The following SLC35E2B variants were observed in gnomAD, a reference collection of about 807,000 sequenced individuals.
The protein encoded by SLC35E2B is solute carrier family 35 member E2B.
A neutral mutation model predicts 32.4 loss-of-function variants in SLC35E2B; 18 were observed. The ratio of observed to expected loss-of-function variants is 0.56; its 90% CI spans 0.38 to 0.82. The LOEUF (loss-of-function observed/expected upper bound fraction) is 0.82. SLC35E2B is among the 40% of genes least tolerant of loss of function. The pLI is 0.00. For synonymous variants in SLC35E2B, 132 were observed against 209.1 expected, an observed-to-expected ratio of 0.63 and a Z score of 3.18; for missense variants, 263 against 469.5, an observed-to-expected ratio of 0.56 and a Z score of 4.06.
intron 2 of SLC35E2B, among the ~76,000 whole-genome samples, chr1:1,680,486 C>T (rs1349500679): frequency 6.6e-6 from 1 of 152,130 alleles, no homozygotes; most frequent in African/African-American, 2.4e-5. Flanking sequence ...GGAGCATCCT[C>T]GTCTGTGTCT....
Position 1,665,851 on chromosome 1 carries a change from T to C in SLC35E2B, c.1149A>G (p.Ala383=), listed in dbSNP as rs756914162. 1.9e-6 allele frequency: 3 copies of C among 1,550,780 alleles called. No homozygotes were observed. In the South Asian group the frequency reaches 3.6e-5, roughly 18 times the overall value. The part of the protein sequence containing the change: ...HQQEALQSLA[A]ATGRAPDDTV... The stretch of plus-strand genomic sequence containing the variant: ...TGTCGTCTGGGGCCCGGCCAGTGGC[T>C]GCAGCCAGGCTCTGCAGCGCCTCCT... Residue 383 remains alanine, a synonymous_variant, in exon 10 of 10, where the codon GCA becomes GCG. Transcript: ENST00000617444.
chr1:1,669,632 G>C, intron 8 of SLC35E2B, 32 bp downstream of exon 8: 1 of 1,501,556 alleles, frequency 6.7e-7, no homozygotes, highest in Non-Finnish European at 9.0e-7. Context: ...AGCCCGGCAA[G>C]TAAGGACGGG....
In SLC35E2B at chr1:1,675,495, A is replaced by T; in HGVS notation, c.554T>A (p.Ile185Asn). The change falls in exon 5 of 10, where the codon ATC becomes AAC. Residue 185 changes from isoleucine (I) to asparagine (N), a missense_variant. By Grantham distance (149) the Ile-to-Asn change is moderately radical. Coordinates refer to ENST00000617444, the MANE Select transcript of SLC35E2B (RefSeq NM_001290264.2). ...VKSSAPIFTVIMSRMILGEYT... is the reference protein window; with the variant it reads ...VKSSAPIFTVNMSRMILGEYT... ...CTCCCCCAGAATCATCCGAGACATG[A>T]TCACCGTGAAGATGGGGGCGGAGCT... 1 of 1,606,518 alleles carries T rather than the reference A, an allele frequency of 6.2e-7. No individual in the cohort carries two copies. The highest frequency in any genetic ancestry group is 8.5e-7 in the Non-Finnish European group (1 of 1,176,998).
chr1:1,683,128 T>C (rs1289706994), intron 2 of SLC35E2B, among the ~76,000 whole-genome samples: 1 of 152,098 alleles, frequency 6.6e-6, no homozygotes, highest in Non-Finnish European at 1.5e-5. Context: ...CTGTGAGGAA[T>C]GCACAGTTTC....
chr1:1,677,234 A>C lies in SLC35E2B; in HGVS notation c.-147-388T>G, dbSNP rs374210711. The stretch of plus-strand genomic sequence containing the variant: ...CAGAGTGAGACTCTGTCTCAAGAAA[A>C]GAAAAAAAGAAAATGCAATCGTTCA... On this transcript the variant is annotated intron_variant, in intron 2 of 9. Coordinates refer to ENST00000617444, the MANE Select transcript of SLC35E2B (RefSeq NM_001290264.2). 7.4e-4 allele frequency among the ~76,000 whole-genome samples: 96 copies of C among 129,106 alleles called. No homozygotes were observed. The East Asian group carries it at 0.019, about 25-fold the overall frequency. 84.7% of individuals were successfully genotyped at this position (129,106 alleles called of 152,430 possible). A position where few individuals can be genotyped will look rare whatever the true frequency, so the allele number is the denominator to read the frequency against.
At chr1:1,675,195 G>A (rs1454787710) in intron 5 of SLC35E2B, among the ~76,000 whole-genome samples, 1 of 118,552 alleles carries the variant, frequency 8.4e-6, no homozygotes, top group Non-Finnish European at 2.2e-5. Context: ...AATCTGCCCA[G>A]CCCCCACCTG....
intron 9 of SLC35E2B, among the ~76,000 whole-genome samples, chr1:1,668,001 C>T (rs1273312535): frequency 6.6e-5 from 10 of 151,724 alleles, no homozygotes; most frequent in Non-Finnish European, 1.0e-4. Flanking sequence ...TACAGGTGCC[C>T]AGCATCACAC....
rs187000566 is a variant in SLC35E2B, at chr1:1,689,953, C to T, written c.-148+1023G>A. ...AGTGAGCCCAGACTGCGCCGCTGCA[C>T]TCCAGCCTGGGCAACAGGGTGAGAC... On this transcript the variant is annotated intron_variant, in intron 2 of 9. Transcript: ENST00000617444. 1.0e-4 allele frequency among the ~76,000 whole-genome samples: 15 copies of T among 148,490 alleles called. 2 individuals carry two copies. The highest frequency in any genetic ancestry group is 3.2e-4 in the African/African-American group (13 of 40,530).
intron 2 of SLC35E2B, among the ~76,000 whole-genome samples, chr1:1,684,049 C>T (rs1290399453): frequency 1.3e-5 from 2 of 152,146 alleles, no homozygotes; most frequent in Non-Finnish European, 2.9e-5. Context: ...GGGAGGATCG[C>T]TTGCTGTCCA....
chr1:1,688,760 C>A (rs572244213), intron 2 of SLC35E2B, among the ~76,000 whole-genome samples: 23 of 152,080 alleles, frequency 1.5e-4, no homozygotes, highest in African/African-American at 5.6e-4. Context: ...ACAAACACGT[C>A]CTGCAAGGAG....
intron 2 of SLC35E2B, among the ~76,000 whole-genome samples, chr1:1,683,672 C>T (rs960507958): frequency 6.6e-6 from 1 of 152,112 alleles, no homozygotes; most frequent in Non-Finnish European, 1.5e-5. Flanking sequence ...GCCTCCAATC[C>T]TGGGGTCACC....
intron 8 of SLC35E2B, 29 bp downstream of exon 8, chr1:1,669,635 A>C (rs1209808547): frequency 1.3e-6 from 2 of 1,502,918 alleles, no homozygotes; most frequent in African/African-American, 2.8e-5. Context: ...CCGGCAAGTA[A>C]GGACGGGACG....
At chr1:1,678,506 C>G (rs1482710016) in intron 2 of SLC35E2B, among the ~76,000 whole-genome samples, 2 of 152,120 alleles carry the variant, frequency 1.3e-5, no homozygotes, top group Non-Finnish European at 2.9e-5. Flanking sequence ...GTCTGCCCAT[C>G]ACACCGCCAG....
At chr1:1,672,474 T>G (rs1643722722) in intron 5 of SLC35E2B, 2 of 152,228 alleles carry the variant, frequency 1.3e-5, no homozygotes, top group African/African-American at 4.8e-5. Flanking sequence ...GGGCGTCCTC[T>G]CGTCTGCCGT....
intron 2 of SLC35E2B, among the ~76,000 whole-genome samples, chr1:1,679,730 G>A (rs904345856): frequency 3.3e-5 from 5 of 151,272 alleles, no homozygotes; most frequent in Non-Finnish European, 4.4e-5. Flanking sequence ...TACTCGGGAG[G>A]CTGAGGCAGG....
intron 2 of SLC35E2B, among the ~76,000 whole-genome samples, chr1:1,683,710 C>A (rs1251166657): frequency 6.6e-6 from 1 of 151,814 alleles, no homozygotes; most frequent in Non-Finnish European, 1.5e-5. Flanking sequence ...GTCCCCCCTA[C>A]CCCCGCTCTC....
intron 2 of SLC35E2B, among the ~76,000 whole-genome samples, chr1:1,686,321 C>CTTTTT (rs375495225): frequency 1.6e-5 from 2 of 127,790 alleles, no homozygotes; most frequent in African/African-American, 2.9e-5. Flanking sequence ...CTTTTTTTTT[C>CTTTTT]TTTTTTTTTT....
At chr1:1,667,816 C>T (rs572568542) in intron 9 of SLC35E2B, among the ~76,000 whole-genome samples, 1 of 152,016 alleles carries the variant, frequency 6.6e-6, no homozygotes, top group African/African-American at 2.4e-5. Flanking sequence ...CTATTTCACA[C>T]AGTTTACGGT....
Position 1,676,178 on chromosome 1 carries a change from G to A in SLC35E2B, c.344C>T (p.Thr115Ile), listed in dbSNP as rs753145053. The A allele has an allele frequency of 1.6e-6, 2 of 1,247,062 alleles. No individual in the cohort carries two copies. The highest frequency in any genetic ancestry group is 3.9e-5 in the Admixed American group (2 of 50,776). 77.2% of individuals were successfully genotyped at this position (1,247,062 alleles called of 1,614,324 possible). A position where few individuals can be genotyped will look rare whatever the true frequency, so the allele number is the denominator to read the frequency against. The change falls in exon 4 of 10, where the codon ACC becomes ATC. Residue 115 changes from threonine to isoleucine, a missense_variant. Physicochemically the swap from Thr to Ile is moderately conservative, Grantham distance 89 (BLOSUM62 -1). Transcript: ENST00000617444. Reference protein sequence around the residue: ...SMLGAVQMLSTTVIGCVKTLV... With the variant: ...SMLGAVQMLSITVIGCVKTLV... ...GGTTTTCACACACCCGATAACCGTGGTGGACAGCATCTGCACCGCACCTGC... is the reference window on the plus strand; with the variant it reads ...GGTTTTCACACACCCGATAACCGTGATGGACAGCATCTGCACCGCACCTGC...
Sources: gnomAD v4.1 joint callset for allele counts (sites outside exome capture counted in the v4.1 genomes callset) on GRCh38, gnomAD v4.1.1 for gene constraint, MANE v1.5 for transcripts, NCBI Gene and HGNC (gene_info 2026-07-23, HGNC 2026-07-21) for gene names.